Variants in DNA2 observed in about 807,000 individuals in gnomAD.
DNA2 encodes DNA replication ATP-dependent helicase/nuclease DNA2.
DNA2 carries 101 observed loss-of-function variants against 119.1 expected under a neutral mutation model. The ratio of observed to expected loss-of-function variants is 0.85; its 90% CI spans 0.72 to 1.00. The LOEUF is 1.00. Among genes scored for constraint, DNA2 ranks in the 50% least tolerant of loss-of-function variants. The pLI, the probability that DNA2 is intolerant of heterozygous loss-of-function variation, is 0.00. For synonymous variants in DNA2, 366 were observed against 424.4 expected, an observed-to-expected ratio of 0.86 and a Z score of 1.69; for missense variants, 1,121 against 1,255.5, an observed-to-expected ratio of 0.89 and a Z score of 1.62.
At chr10:68,457,905 C>T (rs1209734336) in intron 5 of DNA2, among the ~76,000 whole-genome samples, 1 of 152,010 alleles carries the variant, frequency 6.6e-6, no homozygotes, top group Non-Finnish European at 1.5e-5. Context: ...AGGTACAGTG[C>T]CTCATGCCCG....
rs1353155764 is a variant in DNA2 at position 68,471,880 on chromosome 10, C to T, written c.-16G>A. The stretch of plus-strand genomic sequence containing the variant: ...GCTGCTCCATCCTGGACGCGGGGAT[C>T]GCAAACTGTAGACAGAAAAGACAGC... On this transcript the variant is annotated 5_prime_UTR_variant, in exon 1 of 21. Coordinates refer to ENST00000358410, the MANE Select transcript of DNA2 (RefSeq NM_001080449.3). 6.2e-7 allele frequency: 1 copy of T among 1,613,944 alleles called. No individual in the cohort carries two copies. Among genetic ancestry groups the T allele is most frequent in the South Asian group, 1.1e-5 (1 of 91,080 alleles).
chr10:68,446,914 A>G (rs1343553679), intron 6 of DNA2, among the ~76,000 whole-genome samples: 1 of 152,116 alleles, frequency 6.6e-6, no homozygotes, highest in African/African-American at 2.4e-5. Flanking sequence ...AAAAAAGAGT[A>G]ATGAATAAGA....
intron 7 of DNA2, 66 bp from the exon 8 acceptor site, chr10:68,445,149 A>C: frequency 7.0e-7 from 1 of 1,421,156 alleles, no homozygotes; most frequent in Non-Finnish European, 9.6e-7. Flanking sequence ...TTTTCACTAC[A>C]TATGTAAAAC....
chr10:68,453,775 G>C (rs991213642), intron 5 of DNA2, among the ~76,000 whole-genome samples: 19 of 152,184 alleles, frequency 1.2e-4, no homozygotes, highest in Non-Finnish European at 2.5e-4. Context: ...ATACGGCCTA[G>C]GTGTGTAGTA....
At chr10:68,447,640 G>C (rs1240537971) in intron 6 of DNA2, among the ~76,000 whole-genome samples, 1 of 151,242 alleles carries the variant, frequency 6.6e-6, no homozygotes, top group East Asian at 1.9e-4. Context: ...AGTGAGCCAA[G>C]ACCGTGCCAC....
intron 19 of DNA2, among the ~76,000 whole-genome samples, chr10:68,418,212 G>A (rs1448942977): frequency 2.0e-5 from 3 of 152,018 alleles, no homozygotes; most frequent in African/African-American, 7.2e-5. Flanking sequence ...TCAGGAGTTC[G>A]AGACCAGCCT....
rs752797636 is a variant in DNA2, at chr10:68,432,277, G to A, written c.1802C>T (p.Pro601Leu). Residue 601 changes from proline to leucine, a missense_variant, in exon 12 of 21, where the codon CCT becomes CTT. Coordinates refer to ENST00000358410, the MANE Select transcript of DNA2 (RefSeq NM_001080449.3). ...AGAACTAAGGTAGGATATAAACTGA[G>A]GTTCACGAAAGTCAATAATTAAATC... ...LRDLIIDFRE[P>L]QFISYLSSVL... 2 of 1,609,320 alleles carry A rather than the reference G, an allele frequency of 1.2e-6. No homozygotes were observed. Among genetic ancestry groups the A allele is most frequent in the South Asian group, 1.1e-5 (1 of 89,578 alleles).
rs1344426994 is a variant in DNA2, at chr10:68,429,331, G to A, written c.2208+1105C>T. Among the ~76,000 whole-genome samples the A allele has an allele frequency of 2.0e-5, 3 of 151,652 alleles. No individual in the cohort carries two copies. In the East Asian group the frequency reaches 5.8e-4, roughly 29 times the overall value. ...AGGCCGAGGCAGGAGGATAACCTGA[G>A]GTTGGGAGTGCGAGACCAGCCTGAC... On this transcript the variant is annotated intron_variant, in intron 14 of 20. Transcript: ENST00000358410.
At chr10:68,447,531 A>AT (rs2052057046) in intron 6 of DNA2, among the ~76,000 whole-genome samples, 1 of 150,666 alleles carries the variant, frequency 6.6e-6, no homozygotes, top group African/African-American at 2.4e-5. Context: ...AAAAAAAAAA[A>AT]AAAAAAAATT....
At chr10:68,456,958 C>T (rs1030072263) in intron 5 of DNA2, among the ~76,000 whole-genome samples, 2 of 151,566 alleles carry the variant, frequency 1.3e-5, no homozygotes, top group East Asian at 2.0e-4. Context: ...CACGGTGAAA[C>T]CCCGGCTCTA....
At chr10:68,432,780 T>C (rs1210731082) in intron 10 of DNA2, among the ~76,000 whole-genome samples, 1 of 152,144 alleles carries the variant, frequency 6.6e-6, no homozygotes, top group East Asian at 1.9e-4. Flanking sequence ...ACCCTTGCAG[T>C]CGAACACGGG....
chr10:68,447,202 T>C (rs1339261418), intron 6 of DNA2, among the ~76,000 whole-genome samples: 3 of 151,702 alleles, frequency 2.0e-5, no homozygotes, highest in Non-Finnish European at 4.4e-5. Flanking sequence ...CAAAAAGACA[T>C]GTATGTAAAA....
chr10:68,444,259 G>A (rs186330445), intron 8 of DNA2, among the ~76,000 whole-genome samples: 3 of 151,414 alleles, frequency 2.0e-5, no homozygotes, highest in Admixed American at 6.6e-5. Context: ...GTGCGGTGGC[G>A]AGCGCCTGTA....
At chr10:68,439,465 C>T (rs7478322) in intron 9 of DNA2, among the ~76,000 whole-genome samples, 22,902 of 151,982 alleles carry the variant, frequency 0.15, 2,259 homozygotes, top group East Asian at 0.39. Flanking sequence ...CTCTGGGAGG[C>T]CAAGGCAGCT....
chr10:68,419,543 T>A, intron 18 of DNA2: 1 of 523,276 alleles, frequency 1.9e-6, no homozygotes. Context: ...AATTTCCAAT[T>A]CCTAATCACT....
intron 3 of DNA2, among the ~76,000 whole-genome samples, chr10:68,466,666 C>T (rs2133446891): frequency 6.6e-6 from 1 of 151,840 alleles, no homozygotes; most frequent in Non-Finnish European, 1.5e-5. Context: ...GCAAGCTCCG[C>T]CTCCCAGGTT....
chr10:68,460,092 TTTTTCTTTTTCTC>T (rs1232102145), intron 4 of DNA2, among the ~76,000 whole-genome samples: 5 of 151,676 alleles, frequency 3.3e-5, no homozygotes, highest in African/African-American at 1.2e-4. Flanking sequence ...TTTTTTCTTC[TTTTTCTTTTTCTC>T]TTTTCTTTTT....
intron 17 of DNA2, among the ~76,000 whole-genome samples, chr10:68,421,873 A>G (rs2051670099): frequency 6.6e-6 from 1 of 151,936 alleles, no homozygotes; most frequent in Non-Finnish European, 1.5e-5. Flanking sequence ...GGAGTGCAGC[A>G]GTGTGATCTC....
chr10:68,449,156 G>A (rs568119985), intron 6 of DNA2, among the ~76,000 whole-genome samples: 1 of 152,188 alleles, frequency 6.6e-6, no homozygotes, highest in South Asian at 2.1e-4. Flanking sequence ...ATTCAAACTT[G>A]TGATTTTAAA....
Sources: gnomAD v4.1 joint callset for allele counts (sites outside exome capture counted in the v4.1 genomes callset) on GRCh38, gnomAD v4.1.1 for gene constraint, MANE v1.5 for transcripts, NCBI Gene and HGNC (gene_info 2026-07-23, HGNC 2026-07-21) for gene names.